Variants in KDM4C observed in about 807,000 individuals in gnomAD.
KDM4C encodes lysine-specific demethylase 4C.
In KDM4C, 81 loss-of-function variants were observed where a neutral mutation model predicts 129.3. The observed-to-expected ratio is 0.63, with a 90% CI of 0.52 to 0.75. The LOEUF is 0.75. KDM4C is among the 30% of genes least tolerant of loss of function. The pLI, the probability that KDM4C is intolerant of heterozygous loss-of-function variation, is 0.00. For synonymous variants in KDM4C, 573 were observed against 456.1 expected (o/e 1.26, Z -3.26); for missense variants, 1,457 against 1,304.0 (o/e 1.12, Z -1.81).
At chr9:6,894,377 A>G (rs760011914) in intron 8 of KDM4C, among the ~76,000 whole-genome samples, 2 of 152,212 alleles carry the variant, frequency 1.3e-5, no homozygotes, top group South Asian at 2.1e-4. Flanking sequence ...ACTACTTCAC[A>G]TTGTACATCC....
At chr9:6,985,766 C>G (rs756692269) in intron 10 of KDM4C, among the ~76,000 whole-genome samples, 3 of 152,168 alleles carry the variant, frequency 2.0e-5, no homozygotes, top group South Asian at 2.1e-4. Context: ...TCATAGCTCC[C>G]TGCAACCTCT....
At chr9:6,910,444 A>AC (rs1374799069) in intron 8 of KDM4C, among the ~76,000 whole-genome samples, 1 of 152,220 alleles carries the variant, frequency 6.6e-6, no homozygotes, top group Admixed American at 6.5e-5. Flanking sequence ...GGGTCCCTCC[A>AC]CACCAAAATT....
intron 8 of KDM4C, among the ~76,000 whole-genome samples, chr9:6,946,014 T>C (rs989078980): frequency 2.0e-5 from 3 of 152,148 alleles, no homozygotes; most frequent in Admixed American, 1.3e-4. Context: ...TAAATGAATG[T>C]AAATTTGCAT....
chr9:6,741,984 T>G (rs1817715040), intron 1 of KDM4C, among the ~76,000 whole-genome samples: 2 of 152,060 alleles, frequency 1.3e-5, no homozygotes, highest in Non-Finnish European at 2.9e-5. Context: ...TTATTAATTT[T>G]TTTTTGGAGA....
chr9:7,032,887 A>G (rs1827012861), intron 15 of KDM4C, among the ~76,000 whole-genome samples: 1 of 152,222 alleles, frequency 6.6e-6, no homozygotes, highest in Non-Finnish European at 1.5e-5. Context: ...ACGTAGAATA[A>G]TTAGCATTAT....
At chr9:6,980,632 T>A (rs1267213857) in intron 8 of KDM4C, among the ~76,000 whole-genome samples, 2 of 152,170 alleles carry the variant, frequency 1.3e-5, no homozygotes, top group African/African-American at 4.8e-5. Context: ...AAATAATCTT[T>A]CCATTGCAGG....
At chr9:6,986,262 A>G in intron 10 of KDM4C, 82 bp from the exon 11 acceptor site, 1 of 924,896 alleles carries the variant, frequency 1.1e-6, no homozygotes, top group Non-Finnish European at 1.6e-6. Flanking sequence ...TAAGATACAG[A>G]ATCATTTGGG....
intron 3 of KDM4C, among the ~76,000 whole-genome samples, chr9:6,806,443 G>A (rs1829973590): frequency 1.3e-5 from 2 of 151,848 alleles, no homozygotes; most frequent in Non-Finnish European, 2.9e-5. Context: ...GCAGTGAGCC[G>A]AGATCACGCC....
intron 19 of KDM4C, among the ~76,000 whole-genome samples, chr9:7,133,892 G>A (rs984379027): frequency 1.3e-5 from 2 of 152,206 alleles, no homozygotes; most frequent in African/African-American, 4.8e-5. Context: ...AACATTGTTG[G>A]ATCCCTCTTG....
At chr9:6,850,755 C>G (rs1838693321) in intron 5 of KDM4C, among the ~76,000 whole-genome samples, 1 of 149,574 alleles carries the variant, frequency 6.7e-6, no homozygotes, top group Non-Finnish European at 1.5e-5. Flanking sequence ...TTTTTTATTT[C>G]TATTTATTTA....
At chr9:7,173,162 C>T (rs1457257676) in intron 21 of KDM4C, among the ~76,000 whole-genome samples, 1 of 152,252 alleles carries the variant, frequency 6.6e-6, no homozygotes, top group African/African-American at 2.4e-5. Flanking sequence ...CCCCTTACCT[C>T]TACCACTGCC....
intron 4 of KDM4C, among the ~76,000 whole-genome samples, chr9:6,821,700 C>T (rs1040132984): frequency 2.6e-5 from 4 of 151,560 alleles, no homozygotes; most frequent in Non-Finnish European, 4.4e-5. Flanking sequence ...GGGTGGAGTG[C>T]AGTGGCGCGG....
At chr9:7,124,737 G>A (rs866131634) in intron 18 of KDM4C, among the ~76,000 whole-genome samples, 4 of 151,992 alleles carry the variant, frequency 2.6e-5, no homozygotes, top group East Asian at 3.9e-4. Context: ...CATACCTACC[G>A]ACACCTAAAG....
intron 8 of KDM4C, among the ~76,000 whole-genome samples, chr9:6,911,593 C>G (rs959023608): frequency 1.3e-5 from 2 of 152,198 alleles, no homozygotes; most frequent in Non-Finnish European, 2.9e-5. Context: ...CTAGATAAGT[C>G]AGACCTGTTT....
intron 8 of KDM4C, among the ~76,000 whole-genome samples, chr9:6,908,348 C>T (rs1231404735): frequency 6.6e-6 from 1 of 152,160 alleles, no homozygotes; most frequent in East Asian, 1.9e-4. Context: ...CTTAGTGTAG[C>T]TGCTGTGCGA....
rs751180371 is a variant in KDM4C, at chr9:7,174,731, C to T, written c.*2C>T. ...AAGAAGTGCCAGAAGAGACAGTAGT[C>T]TGCATACATCGCTGCAGGCCACAGA... On this transcript the variant is annotated 3_prime_UTR_variant, in exon 22 of 22. Transcript: ENST00000381309. The T allele has an allele frequency of 4.3e-6, 7 of 1,612,980 alleles. No individual in the cohort carries two copies. The South Asian group carries it at 6.6e-5, about 15-fold the overall frequency.
chr9:7,162,749 G>A (rs893868907), intron 19 of KDM4C, among the ~76,000 whole-genome samples: 3 of 152,204 alleles, frequency 2.0e-5, no homozygotes, highest in South Asian at 2.1e-4. Context: ...TGATAAAGAA[G>A]GGGAGGCCGT....
intron 17 of KDM4C, among the ~76,000 whole-genome samples, chr9:7,076,185 G>GAA (rs199930894): frequency 6.6e-6 from 1 of 150,564 alleles, no homozygotes; most frequent in Non-Finnish European, 1.5e-5. Context: ...AACAACAGAA[G>GAA]AAAAAAAAAC....
chr9:6,933,492 G>C (rs1359946605), intron 8 of KDM4C, among the ~76,000 whole-genome samples: 1 of 152,178 alleles, frequency 6.6e-6, no homozygotes, highest in Non-Finnish European at 1.5e-5. Flanking sequence ...TAGTGATTCT[G>C]ATGATGAACA....
Sources: gnomAD v4.1 joint callset for allele counts (sites outside exome capture counted in the v4.1 genomes callset) on GRCh38, gnomAD v4.1.1 for gene constraint, MANE v1.5 for transcripts, NCBI Gene and HGNC (gene_info 2026-07-23, HGNC 2026-07-21) for gene names.